Variants in RPS6KL1 observed in about 807,000 individuals in gnomAD.
The protein encoded by RPS6KL1 is ribosomal protein S6 kinase-like 1.
Under a neutral mutation model 57.0 loss-of-function variants are expected in RPS6KL1, and 41 were observed. The observed-to-expected ratio is 0.72, with a 90% CI of 0.56 to 0.93. RPS6KL1 has a LOEUF of 0.93. Among genes scored for constraint, RPS6KL1 ranks in the 40% least tolerant of loss-of-function variants. The pLI, the probability that RPS6KL1 is intolerant of heterozygous loss-of-function variation, is 0.00. For missense variants in RPS6KL1, 697 were observed against 727.7 expected (o/e 0.96, Z 0.49); for synonymous variants, 287 against 309.7 (o/e 0.93, Z 0.77).
intron 5 of RPS6KL1, among the ~76,000 whole-genome samples, chr14:74,916,677 T>G (rs1301153389): frequency 6.7e-6 from 1 of 150,268 alleles, no homozygotes; most frequent in Admixed American, 6.6e-5. Context: ...CGAGACCCTG[T>G]GTCAAGAAAA....
At position 74,920,867 on chromosome 14, in the gene RPS6KL1, G is replaced by C. The variant is rs544468880; in HGVS notation, c.265+410C>G. Among the ~76,000 whole-genome samples the C allele has an allele frequency of 2.0e-5, 3 of 152,272 alleles. No individual in the cohort carries two copies. In the East Asian group the frequency reaches 5.8e-4, roughly 29 times the overall value. ...CTCCAGGAACAGTCAGGTGTAGTGG[G>C]CCAAGTACACAGCCTGTGAAGTGAA... On this transcript the variant is annotated intron_variant, in intron 3 of 11. Transcript: ENST00000557413.
rs1190084317 is a variant in RPS6KL1, at chr14:74,905,349, T to C, written c.*1665A>G. On this transcript the variant is annotated 3_prime_UTR_variant, in exon 12 of 12. Coordinates refer to ENST00000557413, the MANE Select transcript of RPS6KL1 (RefSeq NM_031464.5). ...CCTTAACCTTTTTGAGCTTCAGTTT[T>C]CTCAGGAGCTACCGTCTGTTGCAAG... The C allele has an allele frequency of 6.7e-6, 1 of 150,156 alleles. No individual in the cohort carries two copies. The highest frequency in any genetic ancestry group is 1.5e-5 in the Non-Finnish European group (1 of 67,886). The allele number at this position is 150,156 out of a possible 1,614,324, so 9.3% of individuals were successfully genotyped here.
intron 3 of RPS6KL1, 39 bp downstream of exon 3, chr14:74,921,238 T>TTCCCCCCCCCCCCCCCCCCCCCCCCCCCC: frequency 3.6e-6 from 3 of 840,122 alleles, no homozygotes; most frequent in Non-Finnish European, 6.1e-6. Context: ...CACTGGCCCT[T>TTCCCCCCCCCCCCCCCCCCCCCCCCCCCC]CCCCACCCAC....
chr14:74,920,081 G>T, intron 3 of RPS6KL1, 112 bp from the exon 4 acceptor site: 1 of 1,394,812 alleles, frequency 7.2e-7, no homozygotes. Flanking sequence ...TGTTTCTAAG[G>T]CTGGTTCGGC....
intron 5 of RPS6KL1, among the ~76,000 whole-genome samples, chr14:74,916,163 C>T (rs1886807357): frequency 6.6e-6 from 1 of 152,204 alleles, no homozygotes; most frequent in Non-Finnish European, 1.5e-5. Context: ...GCCCACTTGC[C>T]CAGATCTGTC....
rs1887556118 is a variant in RPS6KL1, at chr14:74,919,980, C to T, written c.266-11G>A. On this transcript the variant is annotated splice_polypyrimidine_tract_variant and intron_variant, in intron 3 of 11. Coordinates refer to ENST00000557413, the MANE Select transcript of RPS6KL1 (RefSeq NM_031464.5). The stretch of plus-strand genomic sequence containing the variant: ...CCTTGTTGGGGTCAACTGTGGGAGA[C>T]AAGAGTCACCAGGGTCCCCAGCCAT... The T allele has an allele frequency of 4.3e-6, 7 of 1,614,054 alleles. No homozygotes were observed. The highest frequency in any genetic ancestry group is 4.2e-6 in the Non-Finnish European group (5 of 1,179,984).
rs770167995 is a variant in RPS6KL1 at position 74,921,562 on chromosome 14, C to T, written c.-20-1G>A. ...CTCATGGCTGCCCTGCAGCTGGGAC[C>T]TGGAATGGGCAAATGCATTAGGGAG... On this transcript the variant is annotated splice_acceptor_variant, in intron 2 of 11. Coordinates refer to ENST00000557413, the MANE Select transcript of RPS6KL1 (RefSeq NM_031464.5). LOFTEE classifies it low-confidence loss of function (5UTR_SPLICE). 1 of 1,610,602 alleles carries T rather than the reference C, an allele frequency of 6.2e-7. No individual in the cohort carries two copies. Among genetic ancestry groups the T allele is most frequent in the South Asian group, 1.1e-5 (1 of 90,880 alleles).
chr14:74,911,995 C>T (rs1325018406), intron 5 of RPS6KL1, among the ~76,000 whole-genome samples, 154 bp from the exon 6 acceptor site: 2 of 152,232 alleles, frequency 1.3e-5, no homozygotes, highest in East Asian at 3.9e-4. Context: ...CTGAAGCAGA[C>T]ATCGATCCTA....
chr14:74,907,211 G>C (rs1011962872), intron 11 of RPS6KL1, 87 bp from the exon 12 acceptor site: 1 of 1,370,196 alleles, frequency 7.3e-7, no homozygotes, highest in South Asian at 1.3e-5. Flanking sequence ...ATGGCCTCTA[G>C]GGGGCCTGCT....
At chr14:74,910,830 TG>T (rs1381079272) in intron 7 of RPS6KL1, 1 of 212,782 alleles carries the variant, frequency 4.7e-6, no homozygotes, top group Admixed American at 5.1e-5. Context: ...TGGTCTGTGC[TG>T]TACATCTGGT....
chr14:74,914,008 C>T (rs993379464), intron 5 of RPS6KL1, among the ~76,000 whole-genome samples: 2 of 152,230 alleles, frequency 1.3e-5, no homozygotes, highest in South Asian at 2.1e-4. Flanking sequence ...AGGCTGATCC[C>T]GGAGCCCTGC....
At chr14:74,918,044 G>A (rs1229974218) in intron 5 of RPS6KL1, among the ~76,000 whole-genome samples, 1 of 152,206 alleles carries the variant, frequency 6.6e-6, no homozygotes, top group Non-Finnish European at 1.5e-5. Flanking sequence ...CAGGTTTTCT[G>A]GATCTGAGCT....
chr14:74,913,082 G>A (rs1414970058), intron 5 of RPS6KL1, among the ~76,000 whole-genome samples: 1 of 152,270 alleles, frequency 6.6e-6, no homozygotes, highest in East Asian at 1.9e-4. Flanking sequence ...GGTCGGGGTG[G>A]GAACTGGGCC....
chr14:74,909,263 T>TC, intron 8 of RPS6KL1, 73 bp from the exon 9 acceptor site: 2 of 1,424,164 alleles, frequency 1.4e-6, no homozygotes, highest in Non-Finnish European at 2.0e-6. Context: ...TTGCAGGGCT[T>TC]CCCCCAACAG....
In RPS6KL1 at chr14:74,907,003, G is replaced by T. The variant is rs766899095; in HGVS notation, c.*11C>A. ...ACCAGGCCAGCTGCTTCCGTCACCC[G>T]CTCTGCCCTCTTACCCCACCAGCTT... On this transcript the variant is annotated 3_prime_UTR_variant, in exon 12 of 12. Coordinates refer to ENST00000557413, the MANE Select transcript of RPS6KL1 (RefSeq NM_031464.5). 1 of 1,591,094 alleles carries T rather than the reference G, an allele frequency of 6.3e-7. No homozygotes were observed. The highest frequency in any genetic ancestry group is 8.6e-7 in the Non-Finnish European group (1 of 1,162,580).
At chr14:74,920,051 C>T (rs902100890) in intron 3 of RPS6KL1, 82 bp from the exon 4 acceptor site, 1 of 1,557,008 alleles carries the variant, frequency 6.4e-7, no homozygotes, top group African/African-American at 1.4e-5. Context: ...TGCCCTCTAC[C>T]CTCCCAAGGA....
intron 10 of RPS6KL1, among the ~76,000 whole-genome samples, chr14:74,908,105 G>A (rs1026787281): frequency 3.9e-5 from 6 of 152,158 alleles, no homozygotes; most frequent in Non-Finnish European, 8.8e-5. Context: ...CACTCTGGGG[G>A]AAATTGCAGC....
At chr14:74,919,729 C>T in intron 4 of RPS6KL1, 116 bp downstream of exon 4, 1 of 1,156,960 alleles carries the variant, frequency 8.6e-7, no homozygotes, top group Non-Finnish European at 1.2e-6. Flanking sequence ...ATAATGACTT[C>T]CACTGCCGGC....
chr14:74,918,627 C>T, intron 4 of RPS6KL1, 22 bp from the exon 5 acceptor site: 1 of 1,520,226 alleles, frequency 6.6e-7, no homozygotes, highest in Admixed American at 2.0e-5. Context: ...GGAGACAGGC[C>T]ACACACAGCC....
Sources: gnomAD v4.1 joint callset for allele counts (sites outside exome capture counted in the v4.1 genomes callset) on GRCh38, gnomAD v4.1.1 for gene constraint, MANE v1.5 for transcripts, NCBI Gene and HGNC (gene_info 2026-07-23, HGNC 2026-07-21) for gene names.